KIFC2: variants seen among roughly 807,000 people sequenced by gnomAD.
KIFC2 encodes the protein kinesin family member C2, also known as kinesin-like protein KIFC2.
A neutral mutation model predicts 91.5 loss-of-function variants in KIFC2; 94 were observed. The ratio of observed to expected loss-of-function variants is 1.03; its 90% CI spans 0.87 to 1.22. The LOEUF is 1.22. KIFC2 is among the 50% of genes most tolerant of loss of function. The pLI is 0.00. For missense variants in KIFC2, 1,357 were observed against 1,103.3 expected (o/e 1.23, Z -3.26); for synonymous variants, 729 against 503.9 (o/e 1.45, Z -5.98).
In KIFC2 at chr8:144,467,475, C is replaced by T. The variant is rs146057351; in HGVS notation, c.470-10C>T. The T allele has an allele frequency of 8.6e-4, 1,331 of 1,554,800 alleles. 14 individuals carry two copies. In the East Asian group the frequency reaches 0.02, roughly 23 times the overall value. ...CCTCTTCAGTGCTAACTGGGCCCACCCTACTCCAGGATCCACATCCCAAGA... is the reference window on the plus strand; with the variant it reads ...CCTCTTCAGTGCTAACTGGGCCCACTCTACTCCAGGATCCACATCCCAAGA... On this transcript the variant is annotated splice_polypyrimidine_tract_variant and intron_variant, in intron 4 of 17. Coordinates refer to ENST00000645548, the MANE Select transcript of KIFC2 (RefSeq NM_001369769.2).
chr8:144,473,387 T>C lies in KIFC2; in HGVS notation c.2374T>C (p.Ter792GlnextTer61). ...CGCGCCCGCAGAGGGCCTGCCCCTC[T>C]AGTCCTGGGTCGCGGCCCTGCCCAT... is the stretch of plus-strand genomic sequence containing the variant. ...ALAPAEGLPL[*>Q] The change falls in exon 18 of 18, where the codon TAG (stop) becomes CAG (glutamine). Residue 792 changes from the stop codon to glutamine (Q), a stop_lost. Transcript: ENST00000645548. 6.3e-7 allele frequency: 1 copy of C among 1,576,904 alleles called. No individual in the cohort carries two copies. Among genetic ancestry groups the C allele is most frequent in the Non-Finnish European group, 8.6e-7 (1 of 1,166,506 alleles).
In KIFC2 at chr8:144,472,465, A is replaced by C. The variant is rs758640503; in HGVS notation, c.1712A>C (p.Asn571Thr). Reference protein sequence around the residue: ...VAGLTHWDVPNLETLHQMLKL... With the variant: ...VAGLTHWDVPTLETLHQMLKL... ...GGCCTCACCCACTGGGACGTGCCCA[A>C]CCTGGAGACATTGCACCAGGTAGGG... Residue 571 changes from asparagine to threonine, a missense_variant, in exon 15 of 18, where the codon AAC (asparagine) becomes ACC (threonine). Coordinates refer to ENST00000645548, the MANE Select transcript of KIFC2 (RefSeq NM_001369769.2). 9.3e-6 allele frequency: 15 copies of C among 1,612,042 alleles called. No individual in the cohort carries two copies. The highest frequency in any genetic ancestry group is 1.2e-5 in the Non-Finnish European group (14 of 1,179,534).
intron 1 of KIFC2, 86 bp downstream of exon 1, chr8:144,466,604 G>C: frequency 1.1e-6 from 1 of 880,504 alleles, no homozygotes; most frequent in Non-Finnish European, 1.5e-6. Context: ...GGCGGGCACG[G>C]GGCGCGGGGC....
chr8:144,474,164 C>T lies in KIFC2; in HGVS notation c.*775C>T, dbSNP rs562738425. On this transcript the variant is annotated 3_prime_UTR_variant, in exon 18 of 18. Coordinates refer to ENST00000645548, the MANE Select transcript of KIFC2 (RefSeq NM_001369769.2). ...CGAGGCTGCTGTGGTCGCAGACAGC[C>T]GCCTCGCCTTGGCTCCCTGTCAACA... 6.1e-4 allele frequency: 734 copies of T among 1,200,052 alleles called. 1 individual carries two copies. The highest frequency in any genetic ancestry group is 2.5e-3 in the Admixed American group (92 of 36,306). 74.3% of individuals were successfully genotyped at this position (1,200,052 alleles called of 1,614,324 possible). A position where few individuals can be genotyped will look rare whatever the true frequency, so the allele number is the denominator to read the frequency against.
chr8:144,467,814 T>C (rs1343449219), intron 6 of KIFC2, 35 bp downstream of exon 6: 1 of 1,613,328 alleles, frequency 6.2e-7, no homozygotes, highest in Non-Finnish European at 8.5e-7. Context: ...GGGCCGGGCA[T>C]GGAGGGGGTG....
rs1825063106 is a variant in KIFC2 at position 144,474,151 on chromosome 8, G to C, written c.*762G>C. On this transcript the variant is annotated 3_prime_UTR_variant, in exon 18 of 18. Coordinates refer to ENST00000645548, the MANE Select transcript of KIFC2 (RefSeq NM_001369769.2). ...CTGCCTGGTGTTTCGAGGCTGCTGT[G>C]GTCGCAGACAGCCGCCTCGCCTTGG... 1 of 1,035,828 alleles carries C rather than the reference G, an allele frequency of 9.7e-7. No homozygotes were observed. Among genetic ancestry groups the C allele is most frequent in the African/African-American group, 1.6e-5 (1 of 61,888 alleles). 64.2% of individuals were successfully genotyped at this position (1,035,828 alleles called of 1,614,324 possible).
rs1409717708 is a variant in KIFC2 at position 144,468,793 on chromosome 8, A to C, written c.1072A>C (p.Thr358Pro). The C allele has an allele frequency of 6.2e-7, 1 of 1,613,772 alleles. No homozygotes were observed. Among genetic ancestry groups the C allele is most frequent in the Non-Finnish European group, 8.5e-7 (1 of 1,179,980 alleles). Residue 358 changes from threonine to proline, a missense_variant, in exon 10 of 18, where the codon ACC becomes CCC. Thr to Pro is a conservative substitution (Grantham distance 38). Transcript: ENST00000645548. The part of the protein sequence containing the change: ...GDLRGLVSTF[T>P]QSCQGSLSEA... ...CCTCCGAGGTTTGGTCAGCACCTTTACCCAGAGCTGTCAGGGTTCGCTGAG... is the reference window on the plus strand; with the variant it reads ...CCTCCGAGGTTTGGTCAGCACCTTTCCCCAGAGCTGTCAGGGTTCGCTGAG...
At position 144,472,825 on chromosome 8, in the gene KIFC2, C is replaced by T; in HGVS notation, c.1892C>T (p.Ser631Phe). ...CTGCACCTGGTGGACCTGGCGGGAT[C>T]CGAACGCGCACGGAAGGCAGGGGCG... is the stretch of plus-strand genomic sequence containing the variant. ...GTLHLVDLAGSERARKAGAAG... is the reference protein window; with the variant it reads ...GTLHLVDLAGFERARKAGAAG... Residue 631 changes from serine (S) to phenylalanine (F), a missense_variant, in exon 17 of 18, where the codon TCC (serine) becomes TTC (phenylalanine). Transcript: ENST00000645548. The T allele has an allele frequency of 6.3e-7, 1 of 1,577,874 alleles. No individual in the cohort carries two copies. Among genetic ancestry groups the T allele is most frequent in the Middle Eastern group, 1.7e-4 (1 of 5,848 alleles).
At chr8:144,472,517 C>CG (rs1564750079) in intron 15 of KIFC2, 33 bp downstream of exon 15, 1 of 1,611,422 alleles carries the variant, frequency 6.2e-7, no homozygotes, top group East Asian at 2.2e-5. Context: ...GACCCCGCCC[C>CG]GTGCTTCCAC....
At position 144,466,482 on chromosome 8, in the gene KIFC2, C is replaced by A. The variant is rs773713893; in HGVS notation, c.63C>A (p.Gly21=). 2 of 1,332,692 alleles carry A rather than the reference C, an allele frequency of 1.5e-6. No individual in the cohort carries two copies. Among genetic ancestry groups the A allele is most frequent in the African/African-American group, 1.5e-5 (1 of 64,750 alleles). 82.6% of individuals were successfully genotyped at this position (1,332,692 alleles called of 1,614,324 possible). A position where few individuals can be genotyped will look rare whatever the true frequency, so the allele number is the denominator to read the frequency against. Residue 21 remains glycine, a synonymous_variant, in exon 1 of 18, where the codon GGC becomes GGA. Transcript: ENST00000645548. The part of the protein sequence containing the change: ...IFYSLFRRDG[G]AAAAAEPGDP... ...ACAGCCTCTTCCGCAGGGATGGTGG[C>A]GCCGCGGCGGCCGCGGAGCCCGGGG...
Position 144,468,111 on chromosome 8 carries a change from G to T in KIFC2, c.810+124G>T. 3 of 1,306,300 alleles carry T rather than the reference G, an allele frequency of 2.3e-6. No homozygotes were observed. The South Asian group carries it at 4.6e-5, about 20-fold the overall frequency. The allele number at this position is 1,306,300 out of a possible 1,614,324, so 80.9% of individuals were successfully genotyped here. Reference sequence around the variant, plus strand: ...TGGTCTGTGTAGGGCAGCCCCATCAGGGAGGCTGATGCCAATGGGAAGACC... The same window carrying T: ...TGGTCTGTGTAGGGCAGCCCCATCATGGAGGCTGATGCCAATGGGAAGACC... On this transcript the variant is annotated intron_variant, in intron 7 of 17. Coordinates refer to ENST00000645548, the MANE Select transcript of KIFC2 (RefSeq NM_001369769.2).
rs1209044864 is a variant in KIFC2, at chr8:144,472,131, T to A, written c.1486-7T>A. The A allele has an allele frequency of 1.2e-6, 2 of 1,612,978 alleles. No homozygotes were observed. The highest frequency in any genetic ancestry group is 1.7e-6 in the Non-Finnish European group (2 of 1,179,954). ...TGAGCCCGGTGTGCACCCCACCCCA[T>A]CCTCAGGGCCCTCCTGAGGACCCCG... On this transcript the variant is annotated splice_polypyrimidine_tract_variant and splice_region_variant and intron_variant, in intron 13 of 17. Coordinates refer to ENST00000645548, the MANE Select transcript of KIFC2 (RefSeq NM_001369769.2).
chr8:144,473,848 T>G lies in KIFC2; in HGVS notation c.*459T>G. The G allele has an allele frequency of 1.7e-5, 6 of 352,058 alleles. No individual in the cohort carries two copies. The highest frequency in any genetic ancestry group is 2.6e-5 in the Non-Finnish European group (5 of 193,118). 21.8% of individuals were successfully genotyped at this position (352,058 alleles called of 1,614,324 possible). On this transcript the variant is annotated 3_prime_UTR_variant, in exon 18 of 18. Transcript: ENST00000645548. ...AGGTGCTACCTCCTTTCCAGACAGA[T>G]GAGAGAGGGCAGGACTTCAGGCTGG...
In KIFC2 at chr8:144,473,576, G is replaced by C. The variant is rs1193703346; in HGVS notation, c.*187G>C. On this transcript the variant is annotated 3_prime_UTR_variant, in exon 18 of 18. Coordinates refer to ENST00000645548, the MANE Select transcript of KIFC2 (RefSeq NM_001369769.2). The stretch of plus-strand genomic sequence containing the variant: ...TGAAGTGTGTTGTGCCTGCTGAAGT[G>C]ATCACCCCCCGCCCCCAGCCCTGCA... The C allele has an allele frequency of 3.5e-6, 3 of 863,984 alleles. No homozygotes were observed. The highest frequency in any genetic ancestry group is 3.5e-5 in the African/African-American group (2 of 56,472). 53.5% of individuals were successfully genotyped at this position (863,984 alleles called of 1,614,324 possible). A position where few individuals can be genotyped will look rare whatever the true frequency, so the allele number is the denominator to read the frequency against.
In KIFC2 at chr8:144,472,370, T is replaced by G; in HGVS notation, c.1617T>G (p.Leu539=). Residue 539 remains leucine (L), a synonymous_variant, in exon 15 of 18, where the codon CTT becomes CTG. Coordinates refer to ENST00000645548, the MANE Select transcript of KIFC2 (RefSeq NM_001369769.2). ...EIYNEAVRDL[L]APGPPERLAV... ...TCCCCTTTCTCACCAGGGACCTCCTTGCTCCAGGGCCTCCCGAGCGCCTGG... is the reference window on the plus strand; with the variant it reads ...TCCCCTTTCTCACCAGGGACCTCCTGGCTCCAGGGCCTCCCGAGCGCCTGG... 2 of 1,613,372 alleles carry G rather than the reference T, an allele frequency of 1.2e-6. No homozygotes were observed. The highest frequency in any genetic ancestry group is 1.7e-6 in the Non-Finnish European group (2 of 1,179,938).
chr8:144,472,386 G>A lies in KIFC2; in HGVS notation c.1633G>A (p.Glu545Lys), dbSNP rs199871933. ...VRDLLAPGPP[E>K]RLAVRQGPEG... Reference sequence around the variant, plus strand: ...GGACCTCCTTGCTCCAGGGCCTCCCGAGCGCCTGGCCGTGAGGCAGGGCCC... The same window carrying A: ...GGACCTCCTTGCTCCAGGGCCTCCCAAGCGCCTGGCCGTGAGGCAGGGCCC... Residue 545 changes from glutamate to lysine, a missense_variant, in exon 15 of 18, where the codon GAG (glutamate) becomes AAG (lysine). Physicochemically the swap from Glu to Lys is moderately conservative, Grantham distance 56. Coordinates refer to ENST00000645548, the MANE Select transcript of KIFC2 (RefSeq NM_001369769.2). The A allele has an allele frequency of 2.9e-5, 46 of 1,613,192 alleles. No individual in the cohort carries two copies. The highest frequency in any genetic ancestry group is 1.6e-4 in the Middle Eastern group (1 of 6,084).
chr8:144,472,936 G>T lies in KIFC2; in HGVS notation c.2003G>T (p.Gly668Val). The change falls in exon 17 of 18, where the codon GGC becomes GTC. Residue 668 changes from glycine (G) to valine (V), a missense_variant. Transcript: ENST00000645548. ...TINRSLLALG[G>V]VMAALRAHRP... is the part of the protein sequence containing the mutation. The stretch of plus-strand genomic sequence containing the variant: ...AACCGCTCGCTGCTGGCGCTAGGAG[G>T]CGTGATGGCCGCACTGCGGGCCCAC... The T allele has an allele frequency of 1.3e-6, 2 of 1,485,174 alleles. No homozygotes were observed. The allele number at this position is 1,485,174 out of a possible 1,614,324, so 92.0% of individuals were successfully genotyped here.
At position 144,469,321 on chromosome 8, in the gene KIFC2, C is replaced by T. The variant is rs1179126146; in HGVS notation, c.1164C>T (p.Leu388=). The change falls in exon 11 of 18, where the codon CTC becomes CTT. Residue 388 remains leucine, a synonymous_variant. Coordinates refer to ENST00000645548, the MANE Select transcript of KIFC2 (RefSeq NM_001369769.2). ...ALSSGGPGTQ[L]PEGQQGPPAG... is the part of the protein sequence containing the mutation. ...CATCTGGAGGGCCTGGCACTCAGCTCCCTGAGGGGCAGCAAGGGCCCCCAG... is the reference window on the plus strand; with the variant it reads ...CATCTGGAGGGCCTGGCACTCAGCTTCCTGAGGGGCAGCAAGGGCCCCCAG... 1 of 1,606,894 alleles carries T rather than the reference C, an allele frequency of 6.2e-7. No homozygotes were observed. Among genetic ancestry groups the T allele is most frequent in the Non-Finnish European group, 8.5e-7 (1 of 1,178,092 alleles).
rs375580835 is a variant in KIFC2, at chr8:144,468,331, G to A, written c.813G>A (p.Glu271=). 1.2e-6 allele frequency: 2 copies of A among 1,610,580 alleles called. No individual in the cohort carries two copies. The highest frequency in any genetic ancestry group is 1.3e-5 in the African/African-American group (1 of 74,898). Residue 271 remains glutamate, a splice_region_variant and synonymous_variant, in exon 8 of 18, where the codon GAG becomes GAA. Transcript: ENST00000645548. ...GPGPPIRAPQ[E]EAEALLELQG... ...TCCTGGCCCCCACCCTCCCGCAGGAGGAGGCAGAGGCATTGCTAGAGCTCC... is the reference window on the plus strand; with the variant it reads ...TCCTGGCCCCCACCCTCCCGCAGGAAGAGGCAGAGGCATTGCTAGAGCTCC...
Sources: gnomAD v4.1 joint callset for allele counts on GRCh38, gnomAD v4.1.1 for gene constraint, MANE v1.5 for transcripts, NCBI Gene and HGNC (gene_info 2026-07-23, HGNC 2026-07-21) for gene names.